TACC3: variants seen among roughly 807,000 people sequenced by gnomAD.
TACC3 encodes the protein transforming acidic coiled-coil containing protein 3.
TACC3 carries 52 observed loss-of-function variants against 86.0 expected under a neutral mutation model. The ratio of observed to expected loss-of-function variants is 0.60; its 90% CI spans 0.48 to 0.76. The LOEUF is 0.76. Among genes scored for constraint, TACC3 ranks in the 30% least tolerant of loss-of-function variants. The pLI, the probability that TACC3 is intolerant of heterozygous loss-of-function variation, is 0.00. For synonymous variants in TACC3, 512 were observed against 430.0 expected (o/e 1.19, Z -2.36); for missense variants, 1,120 against 1,070.4 (o/e 1.05, Z -0.65).
chr4:1,729,732 G>T (rs1246206513), intron 4 of TACC3, among the ~76,000 whole-genome samples: 1 of 152,182 alleles, frequency 6.6e-6, no homozygotes. Context: ...CCTCTGGATG[G>T]CTGCGGGCGG....
chr4:1,733,333 T>TTC (rs1718095193), intron 6 of TACC3, among the ~76,000 whole-genome samples: 1 of 152,138 alleles, frequency 6.6e-6, no homozygotes, highest in Admixed American at 6.6e-5. Flanking sequence ...AAATACAAAG[T>TTC]TAAGTCCCTT....
chr4:1,739,565 T>G (rs559426244), intron 10 of TACC3, 137 bp from the exon 11 acceptor site: 1 of 791,106 alleles, frequency 1.3e-6, no homozygotes, highest in South Asian at 1.8e-5. Flanking sequence ...AGGGTCCCAC[T>G]GGAAGCCCCA....
At chr4:1,740,577 CT>C in intron 12 of TACC3, 1 of 442,308 alleles carries the variant, frequency 2.3e-6, no homozygotes, top group East Asian at 4.1e-5. Context: ...TGGGCGCCGC[CT>C]CTTCAGGGAC....
rs749728614 is a variant in TACC3, at chr4:1,730,939, G to A, written c.1438G>A (p.Glu480Lys). Residue 480 changes from glutamate (E) to lysine (K), a missense_variant, in exon 5 of 16, where the codon GAG (glutamate) becomes AAG (lysine). Physicochemically the swap from Glu to Lys is moderately conservative, Grantham distance 56. Transcript: ENST00000313288. ...CACGCCTGTGGTGCAGTTGGCAGCC[G>A]AGACCCCAACAGCAGAGAGCAAGGT... Reference protein sequence around the residue: ...EDTPVVQLAAETPTAESKERA... With the variant: ...EDTPVVQLAAKTPTAESKERA... 9.9e-6 allele frequency: 16 copies of A among 1,613,468 alleles called. No individual in the cohort carries two copies. Among genetic ancestry groups the A allele is most frequent in the South Asian group, 3.3e-5 (3 of 91,086 alleles).
chr4:1,729,856 A>G (rs1717911455), intron 4 of TACC3, among the ~76,000 whole-genome samples: 2 of 151,974 alleles, frequency 1.3e-5, no homozygotes, highest in South Asian at 2.1e-4. Context: ...CACTGGTGCT[A>G]CCGCTAGACC....
chr4:1,729,105 A>C (rs1338375784), intron 4 of TACC3, among the ~76,000 whole-genome samples: 2 of 152,144 alleles, frequency 1.3e-5, no homozygotes. Flanking sequence ...CCTCAGGTGA[A>C]CTTGACTTGG....
chr4:1,736,634 C>T (rs945615759), intron 8 of TACC3, among the ~76,000 whole-genome samples: 14 of 151,994 alleles, frequency 9.2e-5, no homozygotes, highest in Non-Finnish European at 1.9e-4. Flanking sequence ...CATGGCCGGG[C>T]GCAGTGGCTC....
At chr4:1,736,354 C>T (rs910730485) in intron 8 of TACC3, among the ~76,000 whole-genome samples, 1 of 123,990 alleles carries the variant, frequency 8.1e-6, no homozygotes, top group Admixed American at 1.1e-4. Context: ...ACCCAGGAGG[C>T]GGAGGTTGCA....
chr4:1,721,300 G>C (rs1423342793), upstream of TACC3: 1 of 149,856 alleles, frequency 6.7e-6, no homozygotes, highest in Non-Finnish European at 1.5e-5. Context: ...GGGCGACTGC[G>C]AGCCCGGGGT....
At chr4:1,734,278 C>G (rs1718147833) in intron 6 of TACC3, among the ~76,000 whole-genome samples, 1 of 152,090 alleles carries the variant, frequency 6.6e-6, no homozygotes, top group Admixed American at 6.5e-5. Flanking sequence ...ACCTCCGCCT[C>G]CTGGGTTCAA....
At position 1,740,944 on chromosome 4, in the gene TACC3, G is replaced by A. The variant is rs1208082025; in HGVS notation, c.2181G>A (p.Lys727=). The A allele has an allele frequency of 4.3e-6, 7 of 1,611,506 alleles. No individual in the cohort carries two copies. In the African/African-American group the frequency reaches 8.0e-5, roughly 18 times the overall value. Residue 727 remains lysine, a synonymous_variant, in exon 13 of 16, where the codon AAG becomes AAA. Coordinates refer to ENST00000313288, the MANE Select transcript of TACC3 (RefSeq NM_006342.3). ...AGAAGTCCTTCTCCGACCTCTTCAA[G>A]CGTTTTGAGAAACAGAAAGAGGTGA... is the stretch of plus-strand genomic sequence containing the variant. The part of the protein sequence containing the change: ...SMEKSFSDLF[K]RFEKQKEVIE...
chr4:1,740,033 C>CTA, intron 12 of TACC3, 31 bp downstream of exon 12: 2 of 1,611,828 alleles, frequency 1.2e-6, no homozygotes, highest in Admixed American at 3.3e-5. Context: ...GGCCACGTGC[C>CTA]TCCACGAGGG....
intron 10 of TACC3, chr4:1,738,037 G>A (rs977131275): frequency 5.3e-5 from 21 of 397,500 alleles, no homozygotes; most frequent in Non-Finnish European, 7.4e-5. Flanking sequence ...CTTTCCTCCC[G>A]CCCTCCCACG....
chr4:1,744,789 A>T lies in TACC3; in HGVS notation c.2408A>T (p.Glu803Val). The T allele has an allele frequency of 6.2e-7, 1 of 1,612,904 alleles. No homozygotes were observed. Among genetic ancestry groups the T allele is most frequent in the Non-Finnish European group, 8.5e-7 (1 of 1,180,020 alleles). Residue 803 changes from glutamate (E) to valine (V), a missense_variant, in exon 15 of 16, where the codon GAG (glutamate) becomes GTG (valine). Transcript: ENST00000313288. ...ALALQASLRK[E>V]QMRIQSLEKT... Reference sequence around the variant, plus strand: ...GCCCTCCAGGCCAGCCTGAGGAAGGAGCAGATGCGCATCCAGTCGCTGGAG... The same window carrying T: ...GCCCTCCAGGCCAGCCTGAGGAAGGTGCAGATGCGCATCCAGTCGCTGGAG...
In TACC3 at chr4:1,728,079, C is replaced by G; in HGVS notation, c.677C>G (p.Ala226Gly). ...CACGGAGCCGAGGAAGAATGCAAAG[C>G]GGAGACTCCGCACGGAGCCGAGGAG... ...TPHGAEEECK[A>G]ETPHGAEEEC... The change falls in exon 4 of 16, where the codon GCG (alanine) becomes GGG (glycine). Residue 226 changes from alanine to glycine, a missense_variant. By Grantham distance (60) the Ala-to-Gly change is moderately conservative. Transcript: ENST00000313288. 6.4e-7 allele frequency: 1 copy of G among 1,574,768 alleles called. No homozygotes were observed. The highest frequency in any genetic ancestry group is 1.2e-5 in the South Asian group (1 of 84,690).
chr4:1,730,620 T>C, intron 4 of TACC3: 1 of 612,306 alleles, frequency 1.6e-6, no homozygotes, highest in South Asian at 1.5e-5. Flanking sequence ...TGATTCCCTT[T>C]GGCTGCATCG....
rs942391334 is a variant in TACC3 at position 1,740,001 on chromosome 4, G to A, written c.2061G>A (p.Met687Ile). The change falls in exon 12 of 16, where the codon ATG becomes ATA. Residue 687 changes from methionine to isoleucine, a missense_variant and splice_region_variant. Transcript: ENST00000313288. ...TCGAAGAGGTTGTGTACCAGGCCAT[G>A]GGTGAGTGCCCGGGCCACCGAGGCC... is the stretch of plus-strand genomic sequence containing the variant. ...DRFEEVVYQA[M>I]EEVQKQKELS... 1 of 1,612,892 alleles carries A rather than the reference G, an allele frequency of 6.2e-7. No homozygotes were observed. The highest frequency in any genetic ancestry group is 1.3e-5 in the African/African-American group (1 of 74,938).
In TACC3 at chr4:1,727,737, A is replaced by G. The variant is rs1467707848; in HGVS notation, c.335A>G (p.Lys112Arg). The change falls in exon 4 of 16, where the codon AAA (lysine) becomes AGA (arginine). Residue 112 changes from lysine (K) to arginine (R), a missense_variant. By Grantham distance (26) the Lys-to-Arg change is conservative. Coordinates refer to ENST00000313288, the MANE Select transcript of TACC3 (RefSeq NM_006342.3). ...CAGCTCATCAAGGAAGTGGATGCCA[A>G]AACTACTCATGGAATTCTACAGAAA... ...NQQLIKEVDA[K>R]TTHGILQKPV... 1.3e-6 allele frequency: 2 copies of G among 1,594,256 alleles called. No individual in the cohort carries two copies. Among genetic ancestry groups the G allele is most frequent in the Non-Finnish European group, 1.7e-6 (2 of 1,169,222 alleles).
At chr4:1,720,920 G>A, upstream of TACC3, 2 of 1,247,442 alleles carry the variant, frequency 1.6e-6, no homozygotes, top group Non-Finnish European at 2.1e-6. This position sits in a 1 kb window ranked among gnomAD's most constrained non-coding sequence, Gnocchi z 4.4. Flanking sequence ...CGGACCTGTC[G>A]GTTGCGGCGG....
Sources: gnomAD v4.1 joint callset for allele counts (sites outside exome capture counted in the v4.1 genomes callset) on GRCh38, gnomAD v4.1.1 for gene constraint, Gnocchi (gnomAD v3.1) non-coding constraint, MANE v1.5 for transcripts, NCBI Gene and HGNC (gene_info 2026-07-23, HGNC 2026-07-21) for gene names.